The following UROD variants were observed in gnomAD, a reference collection of about 807,000 sequenced individuals.
UROD encodes the protein uroporphyrinogen III decarboxylase.
In UROD, 34 loss-of-function variants were observed where a neutral mutation model predicts 47.1. The observed-to-expected ratio is 0.72, with a 90% CI of 0.55 to 0.96. The LOEUF is 0.96. Ranked by LOEUF, UROD falls within the 40% of genes least tolerant of loss-of-function variation. UROD has a pLI of 0.00. For missense variants in UROD, 381 were observed against 471.8 expected, an observed-to-expected ratio of 0.81 and a Z score of 1.78; for synonymous variants, 148 against 175.8, an observed-to-expected ratio of 0.84 and a Z score of 1.25.
In UROD at chr1:45,013,514, C is replaced by T; in HGVS notation, c.277-80C>T. 2 of 1,608,578 alleles carry T rather than the reference C, an allele frequency of 1.2e-6. No individual in the cohort carries two copies. Among genetic ancestry groups the T allele is most frequent in the South Asian group, 1.1e-5 (1 of 90,604 alleles). On this transcript the variant is annotated intron_variant, in intron 4 of 9. Coordinates refer to ENST00000246337, the MANE Select transcript of UROD (RefSeq NM_000374.5). The surrounding 1 kb of genome is among the most constrained non-coding windows in gnomAD (Gnocchi z 4.2). ...TTTGGCAGAGTTTTATTCTCCTTTT[C>T]CTTCCTCCTGGAATGAGCTGAACAG...
Position 45,012,651 on chromosome 1 carries a change from C to T in UROD, c.21-256C>T, listed in dbSNP as rs144931065. The T allele has an allele frequency of 7.9e-4, 549 of 692,966 alleles. 2 individuals are homozygous for T. In the African/African-American group the frequency reaches 9.1e-3, roughly 11 times the overall value. 42.9% of individuals were successfully genotyped at this position (692,966 alleles called of 1,614,324 possible). A position where few individuals can be genotyped will look rare whatever the true frequency, so the allele number is the denominator to read the frequency against. Reference sequence around the variant, plus strand: ...TTAGTGGGCCTTCATTCCCTCCCCCCAGTCCCTCTGGTTGCTTCGAGCTTG... The same window carrying T: ...TTAGTGGGCCTTCATTCCCTCCCCCTAGTCCCTCTGGTTGCTTCGAGCTTG... On this transcript the variant is annotated intron_variant, in intron 1 of 9. Transcript: ENST00000246337.
At position 45,013,766 on chromosome 1, in the gene UROD, C is replaced by T. The variant is rs143390436; in HGVS notation, c.449C>T (p.Pro150Leu). ...LTRQRLAGRVPLIGFAGAPWT... is the reference protein window; with the variant it reads ...LTRQRLAGRVLLIGFAGAPWT... ...CGACAACGACTGGCTGGACGTGTGC[C>T]GCTGATTGGCTTTGCTGGTGCCCCA... Residue 150 changes from proline to leucine, a missense_variant, in exon 5 of 10, where the codon CCG (proline) becomes CTG (leucine). Transcript: ENST00000246337. This position sits in a 1 kb window ranked among gnomAD's most constrained non-coding sequence, Gnocchi z 4.2. 12 of 1,614,012 alleles carry T rather than the reference C, an allele frequency of 7.4e-6. No homozygotes were observed. Among genetic ancestry groups the T allele is most frequent in the Admixed American group, 3.3e-5 (2 of 60,000 alleles).
Position 45,014,790 on chromosome 1 carries a change from T to G in UROD, c.829T>G (p.Tyr277Asp). The G allele has an allele frequency of 6.2e-7, 1 of 1,614,222 alleles. No individual in the cohort carries two copies. The highest frequency in any genetic ancestry group is 8.5e-7 in the Non-Finnish European group (1 of 1,180,034). ...FALEELAQAG[Y>D]EVVGLDWTVA... The stretch of plus-strand genomic sequence containing the variant: ...CCTGGAGGAGCTGGCCCAAGCTGGC[T>G]ATGAGGTGGTTGGGCTTGACTGGAC... Residue 277 changes from tyrosine (Y) to aspartate (D), a missense_variant, in exon 8 of 10, where the codon TAT (tyrosine) becomes GAT (aspartate). Physicochemically the swap from Tyr to Asp is radical, Grantham distance 160. Coordinates refer to ENST00000246337, the MANE Select transcript of UROD (RefSeq NM_000374.5).
chr1:45,014,756 G>A lies in UROD; in HGVS notation c.795G>A (p.Gly265=), dbSNP rs1191638396. The A allele has an allele frequency of 1.2e-6, 2 of 1,614,236 alleles. No homozygotes were observed. Among genetic ancestry groups the A allele is most frequent in the Non-Finnish European group, 8.5e-7 (1 of 1,180,038 alleles). ...PVPMIIFAKD[G]HFALEELAQA... ...TCTAGATCATCTTTGCTAAGGATGG[G>A]CATTTTGCCCTGGAGGAGCTGGCCC... The change falls in exon 8 of 10, where the codon GGG becomes GGA. Residue 265 remains glycine (G), a synonymous_variant. Coordinates refer to ENST00000246337, the MANE Select transcript of UROD (RefSeq NM_000374.5).
chr1:45,015,034 T>C (rs1644838249), intron 9 of UROD, 28 bp downstream of exon 9: 1 of 1,612,744 alleles, frequency 6.2e-7, no homozygotes, highest in East Asian at 2.2e-5. Context: ...TCTGTGTGTC[T>C]GTTACTGTGC....
At chr1:45,012,350 C>G in intron 1 of UROD, 65 bp downstream of exon 1, 1 of 1,609,702 alleles carries the variant, frequency 6.2e-7, no homozygotes, top group Non-Finnish European at 8.5e-7. Context: ...CAACTCAGGA[C>G]TCTATCCCTC....
At chr1:45,015,250 G>A in intron 9 of UROD, 87 bp from the exon 10 acceptor site, 1 of 1,547,510 alleles carries the variant, frequency 6.5e-7, no homozygotes, top group South Asian at 1.2e-5. Context: ...GTAGAAGCAT[G>A]CCTACATATG....
chr1:45,013,647 G>A lies in UROD; in HGVS notation c.330G>A (p.Glu110=). ...CTGGCAAAGGACCCAGCTTCCCAGAGCCATTAAGAGAAGAGCAGGACCTAG... is the reference window on the plus strand; with the variant it reads ...CTGGCAAAGGACCCAGCTTCCCAGAACCATTAAGAGAAGAGCAGGACCTAG... The part of the protein sequence containing the change: ...MVPGKGPSFP[E]PLREEQDLER... Residue 110 remains glutamate (E), a synonymous_variant, in exon 5 of 10, where the codon GAG becomes GAA. Transcript: ENST00000246337. The surrounding 1 kb of genome is among the most constrained non-coding windows in gnomAD (Gnocchi z 4.2). The A allele has an allele frequency of 3.1e-6, 5 of 1,614,128 alleles. No individual in the cohort carries two copies. The highest frequency in any genetic ancestry group is 4.2e-6 in the Non-Finnish European group (5 of 1,180,024).
At chr1:45,012,552 T>TA in intron 1 of UROD, 2 of 622,946 alleles carry the variant, frequency 3.2e-6, no homozygotes, top group Middle Eastern at 4.3e-4. Context: ...GCCTGGGTAT[T>TA]TCTCAGCCCC....
chr1:45,012,728 A>C lies in UROD; in HGVS notation c.21-179A>C. 3 of 1,351,168 alleles carry C rather than the reference A, an allele frequency of 2.2e-6. No homozygotes were observed. The South Asian group carries it at 4.1e-5, about 18-fold the overall frequency. 83.7% of individuals were successfully genotyped at this position (1,351,168 alleles called of 1,614,324 possible). A position where few individuals can be genotyped will look rare whatever the true frequency, so the allele number is the denominator to read the frequency against. On this transcript the variant is annotated intron_variant, in intron 1 of 9. Transcript: ENST00000246337. ...GAGGCCCCAGGGCGGGCCCTTCTGG[A>C]GTTTGTGCACCACCTGATAGGCAGA...
chr1:45,014,926 G>A lies in UROD; in HGVS notation c.876-14G>A, dbSNP rs1160762720. On this transcript the variant is annotated splice_polypyrimidine_tract_variant and intron_variant, in intron 8 of 9. Coordinates refer to ENST00000246337, the MANE Select transcript of UROD (RefSeq NM_000374.5). ...TATGCAGTTACCAGAACGTGGCGCT[G>A]GCTTTGCTTCCAGGGAGTGTGTGGG... 4 of 1,614,174 alleles carry A rather than the reference G, an allele frequency of 2.5e-6. No homozygotes were observed. Among genetic ancestry groups the A allele is most frequent in the South Asian group, 2.2e-5 (2 of 91,090 alleles).
intron 8 of UROD, 21 bp from the exon 9 acceptor site, chr1:45,014,919 T>C: frequency 6.2e-7 from 1 of 1,614,108 alleles, no homozygotes; most frequent in Non-Finnish European, 8.5e-7. Context: ...TACCAGAACG[T>C]GGCGCTGGCT....
chr1:45,014,237 G>C lies in UROD; in HGVS notation c.636+167G>C. 4 of 1,284,810 alleles carry C rather than the reference G, an allele frequency of 3.1e-6. No homozygotes were observed. The South Asian group carries it at 4.9e-5, about 16-fold the overall frequency. The allele number at this position is 1,284,810 out of a possible 1,614,324, so 79.6% of individuals were successfully genotyped here. On this transcript the variant is annotated intron_variant, in intron 6 of 9. Coordinates refer to ENST00000246337, the MANE Select transcript of UROD (RefSeq NM_000374.5). ...AGCCCATCCTGACACTGACAGTGGGGCTTAATGCTCTAAGTATTCAGACAC... is the reference window on the plus strand; with the variant it reads ...AGCCCATCCTGACACTGACAGTGGGCCTTAATGCTCTAAGTATTCAGACAC...
chr1:45,014,383 T>G (rs1017666403), intron 6 of UROD, 56 bp from the exon 7 acceptor site: 52 of 1,612,940 alleles, frequency 3.2e-5, no homozygotes, highest in Middle Eastern at 1.6e-4. Flanking sequence ...ATTTTGTATG[T>G]GGGGGAAACT....
rs1434956487 is a variant in UROD, at chr1:45,014,589, A to G, written c.774+13A>G. On this transcript the variant is annotated intron_variant, in intron 7 of 9. Coordinates refer to ENST00000246337, the MANE Select transcript of UROD (RefSeq NM_000374.5). ...ACCAGTGCCCATGGTGAGGATTGGG[A>G]TGGGTTGAGTGAAGGTGGTCCTGTG... 6.2e-7 allele frequency: 1 copy of G among 1,614,064 alleles called. No individual in the cohort carries two copies. The highest frequency in any genetic ancestry group is 1.3e-5 in the African/African-American group (1 of 75,026).
intron 1 of UROD, 95 bp from the exon 2 acceptor site, chr1:45,012,812 G>C (rs766573377): frequency 3.8e-6 from 6 of 1,565,766 alleles, no homozygotes; most frequent in Admixed American, 1.9e-5. Context: ...GAGGTAGATA[G>C]CGGTCCTGGA....
rs750900150 is a variant in UROD at position 45,012,285 on chromosome 1, G to T, written c.20G>T (p.Gly7Val). The change falls in exon 1 of 10, where the codon GGA (glycine) becomes GTA (valine). Residue 7 changes from glycine (G) to valine (V), a missense_variant and splice_region_variant. Coordinates refer to ENST00000246337, the MANE Select transcript of UROD (RefSeq NM_000374.5). Reference protein sequence around the residue: MEANGLGPQGFPELKND... With the variant: MEANGLVPQGFPELKND... ...CTGACCATGGAAGCGAATGGGTTGGGGTGAGTTCTCCAGAGCACGCGGTGT... is the reference window on the plus strand; with the variant it reads ...CTGACCATGGAAGCGAATGGGTTGGTGTGAGTTCTCCAGAGCACGCGGTGT... The T allele has an allele frequency of 1.2e-6, 2 of 1,613,918 alleles. No homozygotes were observed. Among genetic ancestry groups the T allele is most frequent in the Non-Finnish European group, 1.7e-6 (2 of 1,180,038 alleles).
At position 45,013,477 on chromosome 1, in the gene UROD, A is replaced by G; in HGVS notation, c.277-117A>G. Reference sequence around the variant, plus strand: ...TGGATCGAGGGAAAAACTAAGGTTGAAAGAAATGGAGTTTGGCAGAGTTTT... The same window carrying G: ...TGGATCGAGGGAAAAACTAAGGTTGGAAGAAATGGAGTTTGGCAGAGTTTT... On this transcript the variant is annotated intron_variant, in intron 4 of 9. Coordinates refer to ENST00000246337, the MANE Select transcript of UROD (RefSeq NM_000374.5). The surrounding 1 kb of genome is among the most constrained non-coding windows in gnomAD (Gnocchi z 4.2). 6.2e-7 allele frequency: 1 copy of G among 1,604,292 alleles called. No homozygotes were observed.
Position 45,014,789 on chromosome 1 carries a change from C to G in UROD, c.828C>G (p.Gly276=), listed in dbSNP as rs1235820665. The G allele has an allele frequency of 6.2e-7, 1 of 1,614,112 alleles. No homozygotes were observed. The highest frequency in any genetic ancestry group is 1.1e-5 in the South Asian group (1 of 91,092). ...CCCTGGAGGAGCTGGCCCAAGCTGG[C>G]TATGAGGTGGTTGGGCTTGACTGGA... ...HFALEELAQA[G]YEVVGLDWTV... The change falls in exon 8 of 10, where the codon GGC becomes GGG. Residue 276 remains glycine, a synonymous_variant. Transcript: ENST00000246337.
Sources: gnomAD v4.1 joint callset for allele counts on GRCh38, gnomAD v4.1.1 for gene constraint, Gnocchi (gnomAD v3.1) non-coding constraint, MANE v1.5 for transcripts, NCBI Gene and HGNC (gene_info 2026-07-23, HGNC 2026-07-21) for gene names.